Variants in CALD1 observed in about 807,000 individuals in gnomAD.
CALD1 encodes the protein caldesmon.
CALD1 carries 33 observed loss-of-function variants against 99.9 expected under a neutral mutation model. The observed-to-expected ratio is 0.33, with a 90% CI of 0.25 to 0.44. The LOEUF (loss-of-function observed/expected upper bound fraction) is 0.44. Ranked by LOEUF, CALD1 falls within the 20% of genes least tolerant of loss-of-function variation. The pLI is 1.00. For missense variants in CALD1, 861 were observed against 962.1 expected (o/e 0.89, Z 1.39); for synonymous variants, 310 against 325.0 (o/e 0.95, Z 0.50).
At chr7:134,938,280 A>C (rs75126657) in intron 6 of CALD1, among the ~76,000 whole-genome samples, 8 of 152,336 alleles carry the variant, frequency 5.3e-5, no homozygotes, top group South Asian at 2.1e-4. Flanking sequence ...GAACCAAATA[A>C]TGCAAAATAT....
intron 2 of CALD1, among the ~76,000 whole-genome samples, chr7:134,847,978 C>A (rs760629941): frequency 1.2e-4 from 18 of 152,144 alleles, no homozygotes; most frequent in Admixed American, 3.3e-4. Context: ...TTACAGGACA[C>A]AGACTCAATT....
intron 2 of CALD1, among the ~76,000 whole-genome samples, chr7:134,857,158 C>CT (rs59210460): frequency 0.032 from 2,372 of 75,228 alleles, 529 homozygotes; most frequent in African/African-American, 0.1. Context: ...TTGCGCTATT[C>CT]TTTTTTTTTT....
upstream of CALD1, among the ~76,000 whole-genome samples, chr7:134,776,540 A>AT (rs1477478850): frequency 3.9e-5 from 6 of 152,188 alleles, no homozygotes; most frequent in South Asian, 8.3e-4. Context: ...ATCTGCATTC[A>AT]TAAGTGCACT....
chr7:134,903,395 G>A (rs748194278), intron 3 of CALD1, among the ~76,000 whole-genome samples: 2 of 151,990 alleles, frequency 1.3e-5, no homozygotes, highest in East Asian at 3.9e-4. Context: ...TGTGTGAGAC[G>A]GAATATATGG....
At chr7:134,765,271 G>A (rs1327256390) in intron 1 of CALD1, among the ~76,000 whole-genome samples, 1 of 150,900 alleles carries the variant, frequency 6.6e-6, no homozygotes, top group Non-Finnish European at 1.5e-5. Context: ...CTGAGATTGT[G>A]CCACTGTACT....
At chr7:134,840,905 ATATAT>A (rs1429523717) in intron 1 of CALD1, among the ~76,000 whole-genome samples, 2 of 152,258 alleles carry the variant, frequency 1.3e-5, no homozygotes, top group African/African-American at 4.8e-5. Flanking sequence ...TTATTATGTA[ATATAT>A]TATAATTTCT....
rs1289325494 is a variant in CALD1 at position 134,965,738 on chromosome 7, A to G, written c.2376+352A>G. On this transcript the variant is annotated intron_variant, in intron 14 of 14. Coordinates refer to ENST00000361675, the MANE Select transcript of CALD1 (RefSeq NM_033138.4). ...AGTCATTTAAAAATCACTTGGGGAA[A>G]ACATCTGTCTCCCTGAGTGTTTCCA... 1.2e-4 allele frequency among the ~76,000 whole-genome samples: 18 copies of G among 152,094 alleles called. No individual in the cohort carries two copies. In the East Asian group the frequency reaches 3.1e-3, roughly 26 times the overall value.
chr7:134,852,721 G>C (rs1800131664), intron 2 of CALD1, among the ~76,000 whole-genome samples: 1 of 152,174 alleles, frequency 6.6e-6, no homozygotes, highest in South Asian at 2.1e-4. Context: ...TATTGCTGGG[G>C]TCAGTGTAGC....
At position 134,935,674 on chromosome 7, in the gene CALD1, T is replaced by C. The variant is rs547069301; in HGVS notation, c.1309-14T>C. 56 of 1,600,750 alleles carry C rather than the reference T, an allele frequency of 3.5e-5. No homozygotes were observed. The South Asian group carries it at 3.8e-4, about 11-fold the overall frequency. ...TTTTACTTGTGTGACCTTACCATTC[T>C]TGAAAATAAAAAGGGAGAAGAGAAG... On this transcript the variant is annotated splice_polypyrimidine_tract_variant and intron_variant, in intron 5 of 14. Coordinates refer to ENST00000361675, the MANE Select transcript of CALD1 (RefSeq NM_033138.4).
intron 3 of CALD1, among the ~76,000 whole-genome samples, chr7:134,901,272 A>T (rs1304490022): frequency 6.6e-6 from 1 of 151,952 alleles, no homozygotes; most frequent in Non-Finnish European, 1.5e-5. Context: ...ATAAACTTGA[A>T]TCCAAATCCT....
chr7:134,761,770 T>A (rs939257205), intron 1 of CALD1, among the ~76,000 whole-genome samples: 3 of 152,212 alleles, frequency 2.0e-5, no homozygotes, highest in Admixed American at 6.5e-5. Flanking sequence ...ATTAACTTCA[T>A]GGGGATATAG....
chr7:134,870,277 A>G (rs1392826729), intron 3 of CALD1, among the ~76,000 whole-genome samples: 1 of 152,206 alleles, frequency 6.6e-6, no homozygotes, highest in Non-Finnish European at 1.5e-5. Context: ...CTGAGGATGT[A>G]GACACTGGGC....
chr7:134,795,495 G>A (rs948549910), intron 1 of CALD1, among the ~76,000 whole-genome samples: 4 of 152,076 alleles, frequency 2.6e-5, no homozygotes, highest in African/African-American at 4.8e-5. Context: ...TCTTGGATAC[G>A]TCATTATTAC....
chr7:134,874,622 AC>A (rs1461614102), intron 3 of CALD1, among the ~76,000 whole-genome samples: 3 of 152,184 alleles, frequency 2.0e-5, no homozygotes, highest in African/African-American at 7.2e-5. Context: ...TGCTTTCTGC[AC>A]CCAACATGAG....
intron 2 of CALD1, among the ~76,000 whole-genome samples, chr7:134,854,473 A>T (rs899048561): frequency 6.6e-5 from 10 of 152,290 alleles, no homozygotes; most frequent in Non-Finnish European, 5.9e-5. Context: ...ATTGTATCTG[A>T]ATTTAAATAT....
At chr7:134,799,899 T>C (rs1024759652) in intron 1 of CALD1, among the ~76,000 whole-genome samples, 2 of 152,124 alleles carry the variant, frequency 1.3e-5, no homozygotes, top group Non-Finnish European at 2.9e-5. Flanking sequence ...TTTTCATAAA[T>C]ATTTTTAAAG....
intron 1 of CALD1, among the ~76,000 whole-genome samples, chr7:134,820,841 T>C (rs1419479614): frequency 6.6e-6 from 1 of 152,142 alleles, no homozygotes; most frequent in Non-Finnish European, 1.5e-5. Flanking sequence ...TATTAGCATT[T>C]CCATCATTTT....
intron 3 of CALD1, among the ~76,000 whole-genome samples, chr7:134,877,601 G>C (rs544750362): frequency 6.6e-6 from 1 of 152,244 alleles, no homozygotes; most frequent in African/African-American, 2.4e-5. Flanking sequence ...TTGCATCTGT[G>C]CTAAACATGT....
At chr7:134,779,630 G>C, upstream of CALD1, 3 of 398,796 alleles carry the variant, frequency 7.5e-6, no homozygotes, top group Non-Finnish European at 8.8e-6. Context: ...TTATTGAATA[G>C]AGCAGTGTGT....
Sources: allele counts gnomAD v4.1 joint callset (sites outside exome capture counted in the v4.1 genomes callset), GRCh38; gene constraint gnomAD v4.1.1; transcripts MANE v1.5; gene names NCBI Gene and HGNC (gene_info 2026-07-23, HGNC 2026-07-21).